FBXO16: variants seen among roughly 807,000 people sequenced by gnomAD.
The protein encoded by FBXO16 is F-box protein 16, also known as F-box only protein 16.
Under a neutral mutation model 41.0 loss-of-function variants are expected in FBXO16, and 31 were observed. That is an observed-to-expected ratio of 0.76 (90% CI 0.57 to 1.02). The LOEUF (loss-of-function observed/expected upper bound fraction) is 1.02. Ranked by LOEUF, FBXO16 falls within the 50% of genes least tolerant of loss-of-function variation. The pLI, the probability that FBXO16 is intolerant of heterozygous loss-of-function variation, is 0.00. For synonymous variants in FBXO16, 133 were observed against 117.8 expected (o/e 1.13, Z -0.84); for missense variants, 361 against 346.2 (o/e 1.04, Z -0.34).
intron 6 of FBXO16, among the ~76,000 whole-genome samples, chr8:28,448,340 C>CAAAAAAA (rs56323338): frequency 2.6e-3 from 128 of 49,184 alleles, no homozygotes; most frequent in Middle Eastern, 0.014. Flanking sequence ...GACCCTAAAT[C>CAAAAAAA]AAAAAAAAAA....
intron 3 of FBXO16, among the ~76,000 whole-genome samples, chr8:28,464,884 C>G (rs1249419109): frequency 2.0e-5 from 3 of 152,136 alleles, no homozygotes; most frequent in African/African-American, 7.2e-5. Context: ...GAACTTCTGA[C>G]CTCGTGATCC....
At chr8:28,457,718 G>A in intron 4 of FBXO16, among the ~76,000 whole-genome samples, 1 of 152,124 alleles carries the variant, frequency 6.6e-6, no homozygotes, top group East Asian at 1.9e-4. Flanking sequence ...AGAGACATAG[G>A]TGGGGACATA....
intron 4 of FBXO16, among the ~76,000 whole-genome samples, chr8:28,458,155 G>C (rs934487406): frequency 6.6e-6 from 1 of 152,172 alleles, no homozygotes; most frequent in Non-Finnish European, 1.5e-5. Flanking sequence ...CCCAAAAGGG[G>C]AACACTCTGT....
intron 4 of FBXO16, among the ~76,000 whole-genome samples, chr8:28,457,811 G>C (rs903029737): frequency 6.6e-6 from 1 of 152,168 alleles, no homozygotes; most frequent in Non-Finnish European, 1.5e-5. Context: ...ACTATGTGAT[G>C]TATAGAGCCT....
intron 2 of FBXO16, among the ~76,000 whole-genome samples, chr8:28,474,191 G>A (rs1803381609): frequency 6.6e-6 from 1 of 151,516 alleles, no homozygotes; most frequent in Non-Finnish European, 1.5e-5. Context: ...AGGCGTGGTG[G>A]TGTGTCCCTG....
chr8:28,458,959 A>G (rs574735556), intron 4 of FBXO16, among the ~76,000 whole-genome samples: 5 of 152,300 alleles, frequency 3.3e-5, no homozygotes, highest in African/African-American at 1.2e-4. Context: ...CAATGACTTT[A>G]TATGTTTTAC....
chr8:28,437,320 C>T (rs1220142076), intron 7 of FBXO16, among the ~76,000 whole-genome samples: 1 of 152,124 alleles, frequency 6.6e-6, no homozygotes, highest in Non-Finnish European at 1.5e-5. Flanking sequence ...CCTGATGAAA[C>T]AAGAGGCAAC....
intron 3 of FBXO16, among the ~76,000 whole-genome samples, chr8:28,470,549 G>A (rs1803318263): frequency 6.6e-6 from 1 of 152,168 alleles, no homozygotes; most frequent in Non-Finnish European, 1.5e-5. Flanking sequence ...TTTACCAAGT[G>A]AGTTTAAAAG....
chr8:28,429,463 C>T, intron 7 of FBXO16, 60 bp from the exon 8 acceptor site: 1 of 1,601,812 alleles, frequency 6.2e-7, no homozygotes, highest in South Asian at 1.1e-5. Flanking sequence ...ATAATCCGAG[C>T]TGAGCTTGAA....
chr8:28,457,873 G>A (rs1012530674), intron 4 of FBXO16, among the ~76,000 whole-genome samples: 2 of 152,200 alleles, frequency 1.3e-5, no homozygotes, highest in African/African-American at 4.8e-5. Context: ...CAGTTCCACA[G>A]CATTATGGCT....
chr8:28,465,685 CAG>C (rs1257150454), intron 3 of FBXO16, among the ~76,000 whole-genome samples: 2 of 152,012 alleles, frequency 1.3e-5, no homozygotes, highest in East Asian at 3.8e-4. Context: ...TTGATTGTTT[CAG>C]AGTTACTTTT....
intron 3 of FBXO16, among the ~76,000 whole-genome samples, chr8:28,466,005 C>T (rs945331587): frequency 2.0e-5 from 3 of 152,012 alleles, no homozygotes; most frequent in South Asian, 4.2e-4. Context: ...CCTGGGAGGC[C>T]GAGGCCGGTG....
intron 2 of FBXO16, 51 bp downstream of exon 2, chr8:28,483,297 T>G (rs753261495): frequency 6.7e-7 from 1 of 1,490,266 alleles, no homozygotes; most frequent in Non-Finnish European, 9.2e-7. Flanking sequence ...TTTAATATCT[T>G]TTTTCCTTTC....
At chr8:28,466,587 CGA>C (rs1424657565) in intron 3 of FBXO16, among the ~76,000 whole-genome samples, 1 of 150,092 alleles carries the variant, frequency 6.7e-6, no homozygotes, top group Non-Finnish European at 1.5e-5. Context: ...GTCAGGAGAT[CGA>C]GACCATCCTG....
chr8:28,487,157 T>A (rs531544811), intron 1 of FBXO16, among the ~76,000 whole-genome samples: 3 of 152,196 alleles, frequency 2.0e-5, no homozygotes, highest in Admixed American at 6.5e-5. Context: ...GATTAGACTT[T>A]CTTTCAACCT....
Position 28,457,348 on chromosome 8 carries a change from T to C in FBXO16, c.343-418A>G, listed in dbSNP as rs76287199. ...TATAAACTCAGGTCTGCACTTTTTT[T>C]ATTCTTTTCATGGTGTGCTTCCTTT... On this transcript the variant is annotated intron_variant, in intron 4 of 8. Transcript: ENST00000380254. 8.1e-3 allele frequency among the ~76,000 whole-genome samples: 1,227 copies of C among 152,334 alleles called. 5 individuals are homozygous for C. The highest frequency in any genetic ancestry group is 0.024 in the Middle Eastern group (7 of 294).
At chr8:28,432,914 A>G (rs565056565) in intron 7 of FBXO16, among the ~76,000 whole-genome samples, 1 of 152,242 alleles carries the variant, frequency 6.6e-6, no homozygotes, top group Non-Finnish European at 1.5e-5. Flanking sequence ...AAAGAAATTT[A>G]GCGGGGCGTG....
At chr8:28,456,544 G>A (rs1004968954) in intron 5 of FBXO16, 6 of 482,728 alleles carry the variant, frequency 1.2e-5, no homozygotes, top group Middle Eastern at 5.5e-4. Flanking sequence ...CCTAACCGCC[G>A]GGATGCAACT....
chr8:28,435,084 G>A (rs1802667727), intron 7 of FBXO16, among the ~76,000 whole-genome samples: 1 of 152,052 alleles, frequency 6.6e-6, no homozygotes, highest in Non-Finnish European at 1.5e-5. Flanking sequence ...CAACCTTTTT[G>A]GTACCCACAC....
Sources: allele counts gnomAD v4.1 joint callset (sites outside exome capture counted in the v4.1 genomes callset), GRCh38; gene constraint gnomAD v4.1.1; transcripts MANE v1.5; gene names NCBI Gene and HGNC (gene_info 2026-07-23, HGNC 2026-07-21).